The following CLCN4 variants were observed in gnomAD, a reference collection of about 807,000 sequenced individuals.
CLCN4 encodes H(+)/Cl(-) exchange transporter 4.
CLCN4 carries 1 observed loss-of-function variant against 41.7 expected under a neutral mutation model. The observed-to-expected ratio is 0.02, with a 90% CI of 0.01 to 0.11. The LOEUF (loss-of-function observed/expected upper bound fraction) is 0.11. CLCN4 is among the 10% of genes least tolerant of loss of function. CLCN4 has a pLI of 1.00. For synonymous variants in CLCN4, 277 were observed against 285.8 expected, an observed-to-expected ratio of 0.97 and a Z score of 0.31; for missense variants, 287 against 661.0, an observed-to-expected ratio of 0.43 and a Z score of 6.20.
At chrX:10,216,918 TACACAC>T (rs1555977626) in intron 11 of CLCN4, among the ~76,000 whole-genome samples, 1 of 38,931 alleles carries the variant, frequency 2.6e-5, no homozygotes, top group African/African-American at 1.1e-4. Context: ...TATATATATA[TACACAC>T]ACACACATAG....
intron 4 of CLCN4, among the ~76,000 whole-genome samples, chrX:10,190,548 G>A (rs1168907344): frequency 9.0e-6 from 1 of 111,556 alleles, no homozygotes; most frequent in African/African-American, 3.3e-5. Context: ...TGGTTCTTGC[G>A]TGCTGTTGCT....
Position 10,181,086 on chromosome X carries a change from A to T in CLCN4, c.-11-3936A>T, listed in dbSNP as rs960548765. Reference sequence around the variant, plus strand: ...GATAAAGATATGATGGGCTGCGTGCAGTGGCTCACACCTGTAATCCCAGCA... The same window carrying T: ...GATAAAGATATGATGGGCTGCGTGCTGTGGCTCACACCTGTAATCCCAGCA... On this transcript the variant is annotated intron_variant, in intron 2 of 12. Coordinates refer to ENST00000380833, the MANE Select transcript of CLCN4 (RefSeq NM_001830.4). Among the ~76,000 whole-genome samples the T allele has an allele frequency of 9.0e-5, 10 of 110,701 alleles. No homozygotes were observed. The Admixed American group carries it at 9.6e-4, about 11-fold the overall frequency.
At chrX:10,192,602 C>A (rs1452499578) in intron 4 of CLCN4, among the ~76,000 whole-genome samples, 1 of 110,911 alleles carries the variant, frequency 9.0e-6, no homozygotes, top group Non-Finnish European at 1.9e-5. Context: ...GGGTGGGTGA[C>A]CTGTTGAGGA....
In CLCN4 at chrX:10,236,265, G is replaced by A. The variant is rs187348526; in HGVS notation, c.*2681G>A. On this transcript the variant is annotated 3_prime_UTR_variant, in exon 13 of 13. Transcript: ENST00000380833. ...CCAAGGTCACCGAGGGGGACCTTGG[G>A]ATTTGTGTCCTCCCCAGTGCTTAGA... is the stretch of plus-strand genomic sequence containing the variant. 8.9e-6 allele frequency: 1 copy of A among 111,980 alleles called. No individual in the cohort carries two copies. Among genetic ancestry groups the A allele is most frequent in the East Asian group, 2.8e-4 (1 of 3,552 alleles). 9.2% of individuals were successfully genotyped at this position (111,980 alleles called of 1,213,427 possible).
intron 2 of CLCN4, among the ~76,000 whole-genome samples, chrX:10,182,467 G>A (rs2051685): frequency 2.7e-5 from 3 of 111,400 alleles, no homozygotes; most frequent in Non-Finnish European, 5.7e-5. Context: ...GCTCTGTCGC[G>A]CATGCTGGAG....
At chrX:10,184,924 A>G in intron 2 of CLCN4, 98 bp from the exon 3 acceptor site, 1 of 658,694 alleles carries the variant, frequency 1.5e-6, no homozygotes. Flanking sequence ...TGCTGAAATA[A>G]TTTTTCTTAT....
At position 10,214,045 on chromosome X, in the gene CLCN4, A is replaced by C; in HGVS notation, c.1941A>C (p.Gly647=). ...VVSRDSERLI[G]FAQRRELILA... ...CCAGAGACTCCGAGCGCCTCATTGGATTTGCCCAGAGGAGGGAACTGATTC... is the reference window on the plus strand; with the variant it reads ...CCAGAGACTCCGAGCGCCTCATTGGCTTTGCCCAGAGGAGGGAACTGATTC... The change falls in exon 11 of 13, where the codon GGA becomes GGC. Residue 647 remains glycine (G), a synonymous_variant. Coordinates refer to ENST00000380833, the MANE Select transcript of CLCN4 (RefSeq NM_001830.4). The C allele has an allele frequency of 8.4e-7, 1 of 1,190,250 alleles. No homozygotes were observed. Among genetic ancestry groups the C allele is most frequent in the Non-Finnish European group, 1.1e-6 (1 of 885,276 alleles).
chrX:10,214,654 G>A (rs1283060789), intron 11 of CLCN4, among the ~76,000 whole-genome samples: 1 of 112,615 alleles, frequency 8.9e-6, no homozygotes, highest in Non-Finnish European at 1.9e-5. Flanking sequence ...TGCAGACATC[G>A]CTGAAACCAA....
chrX:10,182,474 G>A (rs951284438), intron 2 of CLCN4, among the ~76,000 whole-genome samples: 2 of 112,399 alleles, frequency 1.8e-5, no homozygotes, highest in African/African-American at 6.5e-5. Flanking sequence ...CGCGCATGCT[G>A]GAGTGCGGTG....
intron 11 of CLCN4, among the ~76,000 whole-genome samples, chrX:10,216,918 T>TATATATATATATATATACACACACAC (rs773265490): frequency 1.2e-3 from 47 of 38,901 alleles, no homozygotes; most frequent in South Asian, 3.4e-3. Flanking sequence ...TATATATATA[T>TATATATATATATATATACACACACAC]ACACACACAC....
chrX:10,174,506 G>A (rs1463176847), intron 2 of CLCN4, among the ~76,000 whole-genome samples: 2 of 112,758 alleles, frequency 1.8e-5, no homozygotes, highest in Admixed American at 1.9e-4. Flanking sequence ...GCTGGGCCCT[G>A]TTCCAGGGCG....
chrX:10,157,197 AATT>A, intron 1 of CLCN4, 97 bp downstream of exon 1: 2 of 285,261 alleles, frequency 7.0e-6, no homozygotes, highest in Non-Finnish European at 1.2e-5. Flanking sequence ...TGTTGAAAAT[AATT>A]GATCGCTGTG....
intron 2 of CLCN4, among the ~76,000 whole-genome samples, chrX:10,159,873 T>C (rs1923048966): frequency 1.8e-5 from 2 of 111,231 alleles, no homozygotes; most frequent in Non-Finnish European, 3.8e-5. Context: ...TAGATTCCAC[T>C]TTTGGCTTTG....
chrX:10,164,945 G>T (rs1923207079), intron 2 of CLCN4, among the ~76,000 whole-genome samples: 1 of 112,388 alleles, frequency 8.9e-6, no homozygotes, highest in Non-Finnish European at 1.9e-5. Flanking sequence ...CTGTCCTCGG[G>T]CCCAGCACAT....
At chrX:10,172,892 T>C (rs1191005671) in intron 2 of CLCN4, among the ~76,000 whole-genome samples, 1 of 112,107 alleles carries the variant, frequency 8.9e-6, no homozygotes, top group Non-Finnish European at 1.9e-5. Flanking sequence ...GTTGTATAAT[T>C]TGAAGATGGC....
rs771277540 is a variant in CLCN4, at chrX:10,220,762, C to T, written c.2077C>T (p.Leu693=). Residue 693 remains leucine, a synonymous_variant, in exon 12 of 13, where the codon CTG becomes TTG. Coordinates refer to ENST00000380833, the MANE Select transcript of CLCN4 (RefSeq NM_001830.4). ...LPANSPHPLK[L]RRILNLSPFT... is the part of the protein sequence containing the mutation. ...GGCCAACAGCCCACATCCCCTGAAG[C>T]TGCGGCGCATCCTGAACCTCAGCCC... 3 of 1,209,810 alleles carry T rather than the reference C, an allele frequency of 2.5e-6. No homozygotes were observed. Among genetic ancestry groups the T allele is most frequent in the Admixed American group, 4.4e-5 (2 of 45,793 alleles).
chrX:10,166,480 C>T (rs768921335), intron 2 of CLCN4, among the ~76,000 whole-genome samples: 16 of 111,413 alleles, frequency 1.4e-4, no homozygotes, highest in African/African-American at 4.9e-4. Context: ...ACGTGGCCCC[C>T]AGTGCCCTCT....
intron 2 of CLCN4, among the ~76,000 whole-genome samples, chrX:10,163,898 T>C (rs1032469408): frequency 8.9e-6 from 1 of 112,244 alleles, no homozygotes; most frequent in Non-Finnish European, 1.9e-5. Flanking sequence ...CATCTCCCAG[T>C]TGTAATAACA....
intron 12 of CLCN4, among the ~76,000 whole-genome samples, chrX:10,229,372 C>G (rs1028786482): frequency 7.4e-5 from 8 of 107,502 alleles, no homozygotes; most frequent in Non-Finnish European, 1.5e-4. Context: ...TTATGGAACA[C>G]ATGAGATTTT....
Sources: allele counts gnomAD v4.1 joint callset (sites outside exome capture counted in the v4.1 genomes callset), GRCh38; gene constraint gnomAD v4.1.1; transcripts MANE v1.5; gene names NCBI Gene and HGNC (gene_info 2026-07-23, HGNC 2026-07-21).